The following CACNA1A variants were observed in gnomAD, a reference collection of about 807,000 sequenced individuals.
The protein encoded by CACNA1A is voltage-dependent P/Q-type calcium channel subunit alpha-1A.
Under a neutral mutation model 262.4 loss-of-function variants are expected in CACNA1A, and 57 were observed. The ratio of observed to expected loss-of-function variants is 0.22; its 90% CI spans 0.18 to 0.27. The LOEUF is 0.27. Ranked by LOEUF, CACNA1A falls within the 10% of genes least tolerant of loss-of-function variation. The probability of loss-of-function intolerance (pLI) is 1.00; values close to 1 mark genes in which losing one functional copy is unlikely to be tolerated. For synonymous variants in CACNA1A, 1,431 were observed against 1,419.3 expected (o/e 1.01, Z -0.18); for missense variants, 2,526 against 3,562.8 (o/e 0.71, Z 7.41).
At chr19:13,223,779 T>G (rs2055329023) in intron 38 of CACNA1A, among the ~76,000 whole-genome samples, 1 of 152,118 alleles carries the variant, frequency 6.6e-6, no homozygotes, top group African/African-American at 2.4e-5. Context: ...CCTTACCTCC[T>G]CAGTGGCGGC....
chr19:13,246,659 T>C (rs2056243003), intron 30 of CACNA1A, among the ~76,000 whole-genome samples: 1 of 151,148 alleles, frequency 6.6e-6, no homozygotes, highest in South Asian at 2.1e-4. Flanking sequence ...AGAGTCTCAC[T>C]CTGTCGCCCA....
Position 13,259,329 on chromosome 19 carries a change from TTTTTTTTTTTTTTG to T in CACNA1A, c.4388+221_4388+234del, listed in dbSNP as rs1478489251. 411 of 124,732 alleles carry T rather than the reference TTTTTTTTTTTTTTG, an allele frequency of 3.3e-3. 30 individuals carry two copies. Among genetic ancestry groups the T allele is most frequent in the East Asian group, 0.03 (153 of 5,034 alleles). 7.7% of individuals were successfully genotyped at this position (124,732 alleles called of 1,614,324 possible). ...CCTGGCAGCTTTTTTTTTTTTTTTTTTTTTTTTTTTTTTGGGATTTTTAGTAGAAATGGAGTTTT... is the reference window on the plus strand; with the variant it reads ...CCTGGCAGCTTTTTTTTTTTTTTTTTGGATTTTTAGTAGAAATGGAGTTTT... On this transcript the variant is annotated intron_variant, in intron 27 of 46. Transcript: ENST00000360228.
At chr19:13,481,134 C>T (rs1979254247) in intron 1 of CACNA1A, among the ~76,000 whole-genome samples, 2 of 152,110 alleles carry the variant, frequency 1.3e-5, no homozygotes, top group Admixed American at 6.5e-5. Flanking sequence ...AAGCGAGGTG[C>T]CTGGCATATT....
At chr19:13,264,891 T>TTTTC (rs201207563) in intron 24 of CACNA1A, among the ~76,000 whole-genome samples, 1 of 150,636 alleles carries the variant, frequency 6.6e-6, no homozygotes, top group Admixed American at 6.6e-5. Context: ...TTTTTTTTTT[T>TTTTC]TGAGATGGAG....
intron 3 of CACNA1A, among the ~76,000 whole-genome samples, chr19:13,388,721 C>G (rs2059662273): frequency 6.6e-6 from 1 of 152,124 alleles, no homozygotes; most frequent in Non-Finnish European, 1.5e-5. Context: ...CTATACCCTA[C>G]TTTCATTCTT....
At chr19:13,324,554 A>G (rs1233942969) in intron 10 of CACNA1A, among the ~76,000 whole-genome samples, 1 of 152,182 alleles carries the variant, frequency 6.6e-6, no homozygotes, top group Non-Finnish European at 1.5e-5. Context: ...TGCACTCCAT[A>G]AACATACACA....
At chr19:13,483,782 G>A (rs967196965) in intron 1 of CACNA1A, among the ~76,000 whole-genome samples, 1 of 152,100 alleles carries the variant, frequency 6.6e-6, no homozygotes, top group Non-Finnish European at 1.5e-5. Flanking sequence ...TCAGTCTCAT[G>A]AGCCAATACA....
At chr19:13,279,517 A>G (rs6511854) in intron 22 of CACNA1A, among the ~76,000 whole-genome samples, 141,833 of 152,126 alleles carry the variant, frequency 0.93, 66,176 homozygotes, top group East Asian at 1. Context: ...ATGGTGTCTC[A>G]CTCTGTCACC....
chr19:13,211,018 C>T (rs576937947), intron 43 of CACNA1A: 129 of 269,090 alleles, frequency 4.8e-4, no homozygotes, highest in Admixed American at 1.4e-3. Context: ...TGGCTCCGGC[C>T]GATGCTCAAA....
chr19:13,489,872 A>G (rs1176423190), intron 1 of CACNA1A, among the ~76,000 whole-genome samples: 1 of 152,030 alleles, frequency 6.6e-6, no homozygotes, highest in Non-Finnish European at 1.5e-5. Context: ...TCTCAGTTGT[A>G]TCTCCTGTCA....
chr19:13,488,321 GC>G (rs1980280671), intron 1 of CACNA1A, among the ~76,000 whole-genome samples: 1 of 151,128 alleles, frequency 6.6e-6, no homozygotes, highest in Admixed American at 6.6e-5. Context: ...TCCAGGGGAA[GC>G]CCTGGACAAA....
chr19:13,287,412 T>A (rs866301237), intron 19 of CACNA1A, among the ~76,000 whole-genome samples: 8 of 152,108 alleles, frequency 5.3e-5, no homozygotes, highest in African/African-American at 1.7e-4. Flanking sequence ...ATGTCCCAGA[T>A]CCCTGCAGTG....
rs1374344827 is a variant in CACNA1A, at chr19:13,231,376, C to T, written c.5400+334G>A. Among the ~76,000 whole-genome samples, 5 of 152,012 alleles carry T rather than the reference C, an allele frequency of 3.3e-5. No homozygotes were observed. The South Asian group carries it at 8.3e-4, about 25-fold the overall frequency. On this transcript the variant is annotated intron_variant, in intron 35 of 46. Coordinates refer to ENST00000360228, the MANE Select transcript of CACNA1A (RefSeq NM_001127222.2). ...GCCCCCACTCCCAACCCCACCCCCA[C>T]CCCCTGGGGGCACCTGGCAATGTCC...
rs1568557171 is a variant in CACNA1A, at chr19:13,346,639, TATATATATATATATATATA to T, written c.979-10749_979-10731del. Among the ~76,000 whole-genome samples, 62 of 8,842 alleles carry T rather than the reference TATATATATATATATATATA, an allele frequency of 7.0e-3. 5 individuals are homozygous for T. The highest frequency in any genetic ancestry group is 8.2e-3 in the Admixed American group (5 of 608). The allele number at this position is 8,842 out of a possible 152,430, so 5.8% of individuals were successfully genotyped here. A position where few individuals can be genotyped will look rare whatever the true frequency, so the allele number is the denominator to read the frequency against. ...GATTATATATATATATATATATATA[TATATATATATATATATATA>T]TATATATATTTTTTTTTTTTTTTTT... On this transcript the variant is annotated intron_variant, in intron 6 of 46. Transcript: ENST00000360228.
rs1180851544 is a variant in CACNA1A, at chr19:13,298,563, G to A, written c.3070C>T (p.Arg1024Trp). 6.5e-7 allele frequency: 1 copy of A among 1,543,242 alleles called. No homozygotes were observed. Among genetic ancestry groups the A allele is most frequent in the South Asian group, 1.2e-5 (1 of 83,784 alleles). ...EGDARREDKE[R>W]RHRRRKENQG... The stretch of plus-strand genomic sequence containing the variant: ...ACTTACTTCCTCCTCCGATGCCTCC[G>A]CTCCTTGTCCTCCCTCCGCGCGTCC... Residue 1024 changes from arginine (R) to tryptophan (W), a missense_variant, in exon 19 of 47, where the codon CGG becomes TGG. Coordinates refer to ENST00000360228, the MANE Select transcript of CACNA1A (RefSeq NM_001127222.2).
At chr19:13,350,927 A>G (rs1475168282) in intron 6 of CACNA1A, among the ~76,000 whole-genome samples, 1 of 139,376 alleles carries the variant, frequency 7.2e-6, no homozygotes, top group Non-Finnish European at 1.5e-5. Flanking sequence ...GCTTGAGACC[A>G]GGAGTTTGAG....
chr19:13,464,840 G>C lies in CACNA1A; in HGVS notation c.294-9628C>G, dbSNP rs888598039. ...TGGGATTACAGGCGTGAGCCACTGC[G>C]CCCGGCCAACTTTTCCTATTTTTGC... On this transcript the variant is annotated intron_variant, in intron 1 of 46. Transcript: ENST00000360228. Among the ~76,000 whole-genome samples the C allele has an allele frequency of 1.7e-4, 26 of 152,122 alleles. No individual in the cohort carries two copies. In the East Asian group the frequency reaches 4.9e-3, roughly 28 times the overall value.
intron 6 of CACNA1A, among the ~76,000 whole-genome samples, chr19:13,339,138 A>G (rs1461374107): frequency 1.3e-5 from 2 of 152,300 alleles, no homozygotes; most frequent in Non-Finnish European, 2.9e-5. Context: ...TGCTGTAATT[A>G]CAGGCGTGAG....
At chr19:13,490,738 A>AG (rs1568700887) in intron 1 of CACNA1A, among the ~76,000 whole-genome samples, 15 of 143,848 alleles carry the variant, frequency 1.0e-4, no homozygotes, top group African/African-American at 3.3e-4. Context: ...AGAAAGAGAA[A>AG]AGAAAGAAAG....
Sources: gnomAD v4.1 joint callset for allele counts (sites outside exome capture counted in the v4.1 genomes callset) on GRCh38, gnomAD v4.1.1 for gene constraint, MANE v1.5 for transcripts, NCBI Gene and HGNC (gene_info 2026-07-23, HGNC 2026-07-21) for gene names.